The following CTNNA3 variants were observed in gnomAD, a reference collection of about 807,000 sequenced individuals.
CTNNA3 encodes catenin alpha-3.
A neutral mutation model predicts 95.7 loss-of-function variants in CTNNA3; 76 were observed. The observed-to-expected ratio is 0.79, with a 90% CI of 0.66 to 0.96. The LOEUF (loss-of-function observed/expected upper bound fraction) is 0.96. Among genes scored for constraint, CTNNA3 ranks in the 40% least tolerant of loss-of-function variants. The pLI is 0.00. For synonymous variants in CTNNA3, 431 were observed against 374.4 expected (o/e 1.15, Z -1.74); for missense variants, 1,191 against 1,089.8 (o/e 1.09, Z -1.31).
intron 5 of CTNNA3, among the ~76,000 whole-genome samples, chr10:67,312,180 C>T (rs1840838837): frequency 6.6e-6 from 1 of 151,178 alleles, no homozygotes; most frequent in Admixed American, 6.6e-5. Flanking sequence ...TCAAGCAATT[C>T]TCCTGCCTTA....
intron 13 of CTNNA3, among the ~76,000 whole-genome samples, chr10:66,224,610 T>C (rs1034488994): frequency 6.6e-6 from 1 of 152,176 alleles, no homozygotes; most frequent in Admixed American, 6.6e-5. Flanking sequence ...AGTTAACTTG[T>C]CTAATGTAAT....
chr10:67,197,444 T>C (rs939604133), intron 6 of CTNNA3, among the ~76,000 whole-genome samples: 1 of 152,016 alleles, frequency 6.6e-6, no homozygotes, highest in African/African-American at 2.4e-5. Context: ...TTGTGCATAG[T>C]AGAGCATTAA....
At chr10:65,981,174 T>C (rs1269351924) in intron 16 of CTNNA3, among the ~76,000 whole-genome samples, 1 of 152,096 alleles carries the variant, frequency 6.6e-6, no homozygotes, top group Non-Finnish European at 1.5e-5. Flanking sequence ...TGCATTCAAA[T>C]CAGTGGCTCT....
Position 66,927,820 on chromosome 10 carries a change from A to G in CTNNA3, c.1048-152296T>C. ...TGGTCAAGAGATTTTGGATTCTTGG[A>G]TATCCCTCAATGACATCAGTCTTGC... On this transcript the variant is annotated intron_variant, in intron 7 of 17. Transcript: ENST00000433211. This position sits in a 1 kb window ranked among gnomAD's most constrained non-coding sequence, Gnocchi z 4.7. The G allele has an allele frequency of 6.2e-7, 1 of 1,614,222 alleles. No homozygotes were observed. The highest frequency in any genetic ancestry group is 8.5e-7 in the Non-Finnish European group (1 of 1,180,042).
At chr10:67,014,334 G>A (rs998673781) in intron 7 of CTNNA3, among the ~76,000 whole-genome samples, 6 of 152,032 alleles carry the variant, frequency 3.9e-5, no homozygotes, top group Admixed American at 6.6e-5. Context: ...TTGTTGAAGG[G>A]AATCTTGGCT....
intron 5 of CTNNA3, among the ~76,000 whole-genome samples, chr10:67,285,737 A>G (rs577901314): frequency 1.3e-5 from 2 of 152,298 alleles, no homozygotes; most frequent in South Asian, 4.1e-4. Flanking sequence ...TGGCCTAGGA[A>G]TATGTTTTTA....
chr10:66,070,955 G>C (rs767498023), intron 14 of CTNNA3, among the ~76,000 whole-genome samples: 3 of 151,988 alleles, frequency 2.0e-5, no homozygotes, highest in Non-Finnish European at 2.9e-5. Context: ...AAAAGTTCTA[G>C]AGAATTCTGG....
At chr10:67,132,146 A>G (rs1210082075) in intron 7 of CTNNA3, among the ~76,000 whole-genome samples, 1 of 152,176 alleles carries the variant, frequency 6.6e-6, no homozygotes, top group Non-Finnish European at 1.5e-5. Context: ...AATAGGATAC[A>G]GCATTTGAAG....
intron 5 of CTNNA3, among the ~76,000 whole-genome samples, chr10:67,499,784 T>C (rs1440782296): frequency 6.6e-6 from 1 of 152,132 alleles, no homozygotes; most frequent in Non-Finnish European, 1.5e-5. Context: ...TGATATCCCT[T>C]TATCATTTTT....
intron 5 of CTNNA3, among the ~76,000 whole-genome samples, chr10:67,390,502 C>G (rs1259247922): frequency 6.6e-6 from 1 of 152,044 alleles, no homozygotes; most frequent in Non-Finnish European, 1.5e-5. Flanking sequence ...ACCATTCCTA[C>G]TGAAACTATT....
intron 9 of CTNNA3, among the ~76,000 whole-genome samples, chr10:66,668,668 C>T (rs1472441903): frequency 5.9e-5 from 9 of 151,806 alleles, no homozygotes; most frequent in Non-Finnish European, 1.0e-4. Flanking sequence ...AAAAATTAAC[C>T]GGGTGTGGTG....
At chr10:67,333,259 A>G (rs569781118) in intron 5 of CTNNA3, among the ~76,000 whole-genome samples, 8 of 152,150 alleles carry the variant, frequency 5.3e-5, no homozygotes, top group Admixed American at 6.5e-5. Flanking sequence ...AACTAAGACT[A>G]AAATGGCTGA....
intron 9 of CTNNA3, among the ~76,000 whole-genome samples, chr10:66,757,696 C>T (rs115793574): frequency 0.01 from 1,575 of 152,216 alleles, 28 homozygotes; most frequent in African/African-American, 0.036. Context: ...TGTCCAAAAG[C>T]GTTCAGAAAG....
Position 66,252,915 on chromosome 10 carries a change from T to C in CTNNA3, c.1884+27555A>G, listed in dbSNP as rs1007160204. Among the ~76,000 whole-genome samples the C allele has an allele frequency of 2.6e-5, 4 of 152,148 alleles. No homozygotes were observed. In the South Asian group the frequency reaches 8.3e-4, roughly 31 times the overall value. ...AATCTGAGAACAACTTTTTGGGAGA[T>C]AGAGAGGTATGCATTTTCTAGCTGA... On this transcript the variant is annotated intron_variant, in intron 13 of 17. Transcript: ENST00000433211.
chr10:67,755,194 A>T (rs1160572844), intron 1 of CTNNA3, among the ~76,000 whole-genome samples: 10 of 142,850 alleles, frequency 7.0e-5, no homozygotes, highest in Admixed American at 2.1e-4. Flanking sequence ...CCTTATCTTT[A>T]AAAAAAAAAA....
At chr10:66,333,028 G>C (rs2092350183) in intron 12 of CTNNA3, among the ~76,000 whole-genome samples, 1 of 152,010 alleles carries the variant, frequency 6.6e-6, no homozygotes, top group Non-Finnish European at 1.5e-5. Flanking sequence ...GGTGTTTATA[G>C]TATTCTCTGA....
intron 5 of CTNNA3, among the ~76,000 whole-genome samples, chr10:67,309,801 TA>T (rs758276712): frequency 2.4e-4 from 36 of 152,158 alleles, no homozygotes; most frequent in Non-Finnish European, 1.0e-4. Context: ...CTACCCTTAT[TA>T]ATCATACCAT....
At chr10:66,414,021 C>G (rs1338415887) in intron 11 of CTNNA3, among the ~76,000 whole-genome samples, 2 of 152,204 alleles carry the variant, frequency 1.3e-5, no homozygotes, top group East Asian at 3.8e-4. Context: ...TCCTTCCTTA[C>G]AGATATATCT....
intron 15 of CTNNA3, among the ~76,000 whole-genome samples, chr10:66,063,517 G>C (rs893600866): frequency 6.6e-6 from 1 of 151,342 alleles, no homozygotes; most frequent in Admixed American, 6.6e-5. Context: ...CTTTTAGAGA[G>C]AGATTTCTTC....
Sources: gnomAD v4.1 joint callset for allele counts (sites outside exome capture counted in the v4.1 genomes callset) on GRCh38, gnomAD v4.1.1 for gene constraint, Gnocchi (gnomAD v3.1) non-coding constraint, MANE v1.5 for transcripts, NCBI Gene and HGNC (gene_info 2026-07-23, HGNC 2026-07-21) for gene names.